The following PDGFC variants were observed in gnomAD, a reference collection of about 807,000 sequenced individuals.
PDGFC encodes platelet derived growth factor C.
A neutral mutation model predicts 35.5 loss-of-function variants in PDGFC; 12 were observed. The observed-to-expected ratio is 0.34, with a 90% CI of 0.22 to 0.55. The LOEUF is 0.55. Ranked by LOEUF, PDGFC falls within the 20% of genes least tolerant of loss-of-function variation. The probability of loss-of-function intolerance (pLI) is 0.91; values close to 1 mark genes in which losing one functional copy is unlikely to be tolerated. For missense variants in PDGFC, 322 were observed against 412.4 expected (o/e 0.78, Z 1.90); for synonymous variants, 159 against 148.8 (o/e 1.07, Z -0.50).
At chr4:156,915,692 T>G (rs1177161332) in intron 1 of PDGFC, among the ~76,000 whole-genome samples, 1 of 151,880 alleles carries the variant, frequency 6.6e-6, no homozygotes, top group Non-Finnish European at 1.5e-5. Context: ...ACTCAGGAAG[T>G]TGAGGCAGAA....
intron 3 of PDGFC, among the ~76,000 whole-genome samples, chr4:156,789,652 G>A (rs1233195065): frequency 6.6e-6 from 1 of 152,154 alleles, no homozygotes; most frequent in African/African-American, 2.4e-5. Flanking sequence ...ATCTGAAGAA[G>A]TAAAGACTTT....
At chr4:156,772,548 G>T in intron 4 of PDGFC, 138 bp downstream of exon 4, 1 of 586,430 alleles carries the variant, frequency 1.7e-6, no homozygotes. Flanking sequence ...ATATAAATAT[G>T]CTCAAATGAT....
chr4:156,902,600 G>C (rs1730816239), intron 1 of PDGFC, among the ~76,000 whole-genome samples: 1 of 151,968 alleles, frequency 6.6e-6, no homozygotes. Context: ...TTAATATTAT[G>C]TTTACTTTGT....
chr4:156,842,647 T>C (rs534771020), intron 2 of PDGFC, among the ~76,000 whole-genome samples: 1 of 152,296 alleles, frequency 6.6e-6, no homozygotes, highest in African/African-American at 2.4e-5. Context: ...GTCAAGGTTC[T>C]TCACAATTTG....
intron 3 of PDGFC, among the ~76,000 whole-genome samples, chr4:156,805,966 A>C (rs899409590): frequency 1.3e-5 from 2 of 152,010 alleles, no homozygotes; most frequent in African/African-American, 4.8e-5. Context: ...ACGCCGTCTG[A>C]ACTCTGGATA....
At chr4:156,786,453 G>T (rs372413886) in intron 3 of PDGFC, among the ~76,000 whole-genome samples, 1 of 152,196 alleles carries the variant, frequency 6.6e-6, no homozygotes, top group Non-Finnish European at 1.5e-5. Flanking sequence ...AAGTCGTGGG[G>T]CTATGTGAGG....
At chr4:156,933,761 G>A (rs1731608437) in intron 1 of PDGFC, among the ~76,000 whole-genome samples, 2 of 152,124 alleles carry the variant, frequency 1.3e-5, no homozygotes, top group South Asian at 2.1e-4. Flanking sequence ...TCTTGTGATA[G>A]AGAATGAGTT....
intron 1 of PDGFC, among the ~76,000 whole-genome samples, chr4:156,951,731 GA>G (rs776491759): frequency 0.07 from 7,805 of 110,720 alleles, 587 homozygotes; most frequent in African/African-American, 0.21. Flanking sequence ...CTACCTTATA[GA>G]AAAAAAAAAA....
At chr4:156,862,725 CT>C (rs34201954) in intron 1 of PDGFC, among the ~76,000 whole-genome samples, 32,887 of 146,982 alleles carry the variant, frequency 0.22, 4,259 homozygotes, top group South Asian at 0.53. Flanking sequence ...ATCTCTCTCT[CT>C]TTTTTTTTTT....
intron 1 of PDGFC, among the ~76,000 whole-genome samples, chr4:156,938,036 T>C (rs1731723899): frequency 6.6e-6 from 1 of 152,050 alleles, no homozygotes; most frequent in Non-Finnish European, 1.5e-5. Flanking sequence ...TTGGCAAAGA[T>C]TGGGAGAATT....
chr4:156,897,894 T>TCA (rs1730673504), intron 1 of PDGFC, among the ~76,000 whole-genome samples: 1 of 152,190 alleles, frequency 6.6e-6, no homozygotes, highest in Admixed American at 6.5e-5. Flanking sequence ...ATCATGAGCT[T>TCA]CACACCATAA....
At position 156,761,535 on chromosome 4, in the gene PDGFC, A is replaced by G. The variant is rs577832270; in HGVS notation, c.*1555T>C. 2.6e-5 allele frequency: 4 copies of G among 152,444 alleles called. No individual in the cohort carries two copies. The highest frequency in any genetic ancestry group is 9.6e-5 in the African/African-American group (4 of 41,594). 9.4% of individuals were successfully genotyped at this position (152,444 alleles called of 1,614,324 possible). On this transcript the variant is annotated 3_prime_UTR_variant, in exon 6 of 6. Transcript: ENST00000502773. ...TTTGAATTGACATATGCTTTTGCTAAATGAAAATCATAACAGAAAATTTTA... is the reference window on the plus strand; with the variant it reads ...TTTGAATTGACATATGCTTTTGCTAGATGAAAATCATAACAGAAAATTTTA...
chr4:156,825,581 TAATAATAATAATAAGAAG>T (rs1305731045), intron 2 of PDGFC, among the ~76,000 whole-genome samples: 77 of 92,594 alleles, frequency 8.3e-4, no homozygotes, highest in East Asian at 4.6e-3. Context: ...ATAATAATAA[TAATAATAATAATAAGAAG>T]AAGAAGAAGA....
chr4:156,781,493 A>G lies in PDGFC; in HGVS notation c.496-8600T>C, dbSNP rs144271424. ...TTAAAAAATGGCCTTTATTTTAAAC[A>G]TTCTATAGATTATTCACAGTGGAAC... On this transcript the variant is annotated intron_variant, in intron 3 of 5. Transcript: ENST00000502773. Among the ~76,000 whole-genome samples, 16 of 152,210 alleles carry G rather than the reference A, an allele frequency of 1.1e-4. No homozygotes were observed. In the East Asian group the frequency reaches 3.1e-3, roughly 29 times the overall value.
At chr4:156,777,793 G>A (rs1046189995) in intron 3 of PDGFC, among the ~76,000 whole-genome samples, 13 of 152,246 alleles carry the variant, frequency 8.5e-5, no homozygotes, top group Admixed American at 6.5e-4. Context: ...CATTCAACAA[G>A]CATTTATTTA....
At chr4:156,810,811 T>C in intron 3 of PDGFC, 26 bp downstream of exon 3, 4 of 1,428,794 alleles carry the variant, frequency 2.8e-6, no homozygotes, top group Non-Finnish European at 3.9e-6. Context: ...TCCAATTAAA[T>C]AAGGGGATCT....
chr4:156,957,001 G>A (rs990629911), intron 1 of PDGFC, among the ~76,000 whole-genome samples: 1 of 152,008 alleles, frequency 6.6e-6, no homozygotes, highest in Non-Finnish European at 1.5e-5. Context: ...GCTGTTCTGT[G>A]AATGCTGAAT....
chr4:156,820,634 G>A (rs1041846605), intron 2 of PDGFC, among the ~76,000 whole-genome samples: 7 of 152,168 alleles, frequency 4.6e-5, no homozygotes, highest in South Asian at 2.1e-4. Flanking sequence ...TCCAAGGTAC[G>A]CCTGTAATAC....
At chr4:156,824,447 A>T (rs1023973817) in intron 2 of PDGFC, among the ~76,000 whole-genome samples, 11 of 151,414 alleles carry the variant, frequency 7.3e-5, no homozygotes, top group Non-Finnish European at 1.5e-4. Flanking sequence ...TACCATAATT[A>T]ACACTCCCTT....
Sources: allele counts gnomAD v4.1 joint callset (sites outside exome capture counted in the v4.1 genomes callset), GRCh38; gene constraint gnomAD v4.1.1; transcripts MANE v1.5; gene names NCBI Gene and HGNC (gene_info 2026-07-23, HGNC 2026-07-21).